ADAR: variants seen among roughly 807,000 people sequenced by gnomAD.
The protein encoded by ADAR is double-stranded RNA-specific adenosine deaminase.
In ADAR, 41 loss-of-function variants were observed where a neutral mutation model predicts 113.2. The ratio of observed to expected loss-of-function variants is 0.36; its 90% CI spans 0.28 to 0.47. The LOEUF is 0.47. Ranked by LOEUF, ADAR falls within the 20% of genes least tolerant of loss-of-function variation. ADAR has a pLI of 1.00. For missense variants in ADAR, 1,242 were observed against 1,540.9 expected, an observed-to-expected ratio of 0.81 and a Z score of 3.25; for synonymous variants, 605 against 572.6, an observed-to-expected ratio of 1.06 and a Z score of -0.81.
rs1697900991 is a variant in ADAR, at chr1:154,601,859, T to A, written c.783A>T (p.Arg261Ser). Residue 261 changes from arginine to serine, a missense_variant, in exon 2 of 15, where the codon AGA becomes AGT. By Grantham distance (110) the Arg-to-Ser change is moderately radical. Transcript: ENST00000368474. This position sits in a 1 kb window ranked among gnomAD's most constrained non-coding sequence, Gnocchi z 4.7. ...GGGATCCTTGGCTATGACTGTCTGG[T>A]CTTACCACTCCGCTGTGCTGGTTCC... is the stretch of plus-strand genomic sequence containing the variant. Reference protein sequence around the residue: ...QAWNQHSGVVRPDSHSQGSPN... With the variant: ...QAWNQHSGVVSPDSHSQGSPN... 2 of 1,614,078 alleles carry A rather than the reference T, an allele frequency of 1.2e-6. No homozygotes were observed. The highest frequency in any genetic ancestry group is 1.7e-6 in the Non-Finnish European group (2 of 1,180,026).
chr1:154,620,674 T>A (rs1183449375), intron 1 of ADAR, among the ~76,000 whole-genome samples: 3 of 152,208 alleles, frequency 2.0e-5, no homozygotes, highest in Non-Finnish European at 4.4e-5. Context: ...CAGGCAAAAC[T>A]AATCTAATCT....
chr1:154,589,174 A>G (rs1324806747), intron 9 of ADAR, among the ~76,000 whole-genome samples, 195 bp downstream of exon 9: 3 of 152,208 alleles, frequency 2.0e-5, no homozygotes, highest in Non-Finnish European at 4.4e-5. Flanking sequence ...GAGCAGTGGG[A>G]GGCAGCTCAG....
intron 1 of ADAR, among the ~76,000 whole-genome samples, chr1:154,619,198 GA>G (rs1698719130): frequency 6.6e-6 from 1 of 152,198 alleles, no homozygotes; most frequent in Admixed American, 6.5e-5. Context: ...ACTTTCCTAA[GA>G]AGGCCAGGTT....
chr1:154,589,300 G>T, intron 9 of ADAR, 69 bp downstream of exon 9: 1 of 1,239,584 alleles, frequency 8.1e-7, no homozygotes, highest in Non-Finnish European at 1.2e-6. Context: ...CCGTGTCAGA[G>T]CCATGTGGGG....
In ADAR at chr1:154,597,897, C is replaced by G. The variant is rs776484151; in HGVS notation, c.1865G>C (p.Cys622Ser). The G allele has an allele frequency of 6.2e-7, 1 of 1,614,164 alleles. No homozygotes were observed. Among genetic ancestry groups the G allele is most frequent in the Non-Finnish European group, 8.5e-7 (1 of 1,180,038 alleles). The change falls in exon 4 of 15, where the codon TGT (cysteine) becomes TCT (serine). Residue 622 changes from cysteine to serine, a missense_variant. By Grantham distance (112) the Cys-to-Ser change is moderately radical. This residue lies in a region of ADAR where 780 missense variants were observed against 1,057.9 expected (regional missense o/e 0.74). Transcript: ENST00000368474. ...GKSPVTTLLECMHKLGNSCEF... is the reference protein window; with the variant it reads ...GKSPVTTLLESMHKLGNSCEF... Reference sequence around the variant, plus strand: ...GCAGGAGTTCCCCAATTTGTGCATACACTCAAGCAGTGTGGTGACGGGGCT... The same window carrying G: ...GCAGGAGTTCCCCAATTTGTGCATAGACTCAAGCAGTGTGGTGACGGGGCT...
In ADAR at chr1:154,585,630, T is replaced by C. The variant is rs1696708994; in HGVS notation, c.3315+123A>G. Reference sequence around the variant, plus strand: ...TGGTGGTGGGCCACTGTGGGCAATGTTCCCTTGTGGGCTACCACTGTGGGC... The same window carrying C: ...TGGTGGTGGGCCACTGTGGGCAATGCTCCCTTGTGGGCTACCACTGTGGGC... On this transcript the variant is annotated intron_variant, in intron 13 of 14. Transcript: ENST00000368474. 1.7e-5 allele frequency: 16 copies of C among 962,440 alleles called. No homozygotes were observed. In the East Asian group the frequency reaches 4.1e-4, roughly 25 times the overall value. The allele number at this position is 962,440 out of a possible 1,614,324, so 59.6% of individuals were successfully genotyped here.
chr1:154,608,492 C>CTTTTTTTTTTTTTTTTT (rs67463447), upstream of ADAR, among the ~76,000 whole-genome samples: 22 of 65,768 alleles, frequency 3.3e-4, no homozygotes, highest in Non-Finnish European at 4.9e-4. Context: ...TCACTCCTGG[C>CTTTTTTTTTTTTTTTTT]TTTTTTTTTT....
Position 154,601,215 on chromosome 1 carries a change from A to G in ADAR, c.1427T>C (p.Ile476Thr). The G allele has an allele frequency of 6.2e-7, 1 of 1,614,196 alleles. No individual in the cohort carries two copies. The highest frequency in any genetic ancestry group is 8.5e-7 in the Non-Finnish European group (1 of 1,180,020). The change falls in exon 2 of 15, where the codon ATC (isoleucine) becomes ACC (threonine). Residue 476 changes from isoleucine to threonine, a missense_variant. Physicochemically the swap from Ile to Thr is moderately conservative, Grantham distance 89 (BLOSUM62 -1). Coordinates refer to ENST00000368474, the MANE Select transcript of ADAR (RefSeq NM_001111.5). This position sits in a 1 kb window ranked among gnomAD's most constrained non-coding sequence, Gnocchi z 4.7. The part of the protein sequence containing the change: ...IRAAPGEFRA[I>T]MEMPSFYSHG... ...ACTGTAGAAGGAGGGCATCTCCATG[A>G]TGGCTCGAAACTCACCTGGTGCTGC...
intron 1 of ADAR, among the ~76,000 whole-genome samples, chr1:154,627,489 C>T (rs1698977069): frequency 6.6e-6 from 1 of 152,206 alleles, no homozygotes; most frequent in African/African-American, 2.4e-5. Context: ...GCGGGGGAGC[C>T]GGCGAGAGGG....
intron 1 of ADAR, among the ~76,000 whole-genome samples, chr1:154,624,434 A>G (rs1698879419): frequency 6.6e-6 from 1 of 152,146 alleles, no homozygotes; most frequent in Non-Finnish European, 1.5e-5. Flanking sequence ...TGGGTGGAGG[A>G]ACTGAGGGGG....
chr1:154,588,705 G>A, intron 9 of ADAR, 32 bp from the exon 10 acceptor site: 1 of 1,613,918 alleles, frequency 6.2e-7, no homozygotes, highest in Non-Finnish European at 8.5e-7. Context: ...AGGAAGGCAG[G>A]TTCAATTCTG....
chr1:154,615,378 A>G (rs1270116382), intron 1 of ADAR, among the ~76,000 whole-genome samples: 1 of 152,166 alleles, frequency 6.6e-6, no homozygotes, highest in Non-Finnish European at 1.5e-5. Flanking sequence ...AAAACAGACT[A>G]GCTGTCATAG....
At chr1:154,624,416 G>A (rs547097878) in intron 1 of ADAR, among the ~76,000 whole-genome samples, 1 of 152,142 alleles carries the variant, frequency 6.6e-6, no homozygotes, top group Admixed American at 6.5e-5. Context: ...GCAGCAACTA[G>A]ACCTCCTTGG....
chr1:154,604,650 T>C (rs868620792), intron 1 of ADAR, among the ~76,000 whole-genome samples: 1 of 152,272 alleles, frequency 6.6e-6, no homozygotes, highest in South Asian at 2.1e-4. Flanking sequence ...ACAGCAAAGG[T>C]CTTTCACCTC....
chr1:154,610,627 A>T (rs557158938), upstream of ADAR, among the ~76,000 whole-genome samples: 1 of 152,008 alleles, frequency 6.6e-6, no homozygotes, highest in East Asian at 1.9e-4. Flanking sequence ...TGGCCAACAT[A>T]GTGAAACCCC....
At chr1:154,618,131 A>G (rs1475139914) in intron 1 of ADAR, among the ~76,000 whole-genome samples, 1 of 150,880 alleles carries the variant, frequency 6.6e-6, no homozygotes, top group Non-Finnish European at 1.5e-5. Context: ...TATAGTAAGT[A>G]TATATTCTTT....
In ADAR at chr1:154,583,522, C is replaced by G. The variant is rs1294148353; in HGVS notation, c.*1284G>C. ...CTACCTCACAGAGTTTGAAGACAAC[C>G]TGCCCTTTCACCCACAACTACTGCT... On this transcript the variant is annotated 3_prime_UTR_variant, in exon 15 of 15. Coordinates refer to ENST00000368474, the MANE Select transcript of ADAR (RefSeq NM_001111.5). 1 of 152,226 alleles carries G rather than the reference C, an allele frequency of 6.6e-6. No individual in the cohort carries two copies. Among genetic ancestry groups the G allele is most frequent in the African/African-American group, 2.4e-5 (1 of 41,436 alleles). 9.4% of individuals were successfully genotyped at this position (152,226 alleles called of 1,614,324 possible).
rs772361955 is a variant in ADAR at position 154,597,026 on chromosome 1, A to C, written c.2080-31T>G. The C allele has an allele frequency of 1.4e-5, 23 of 1,614,090 alleles. No homozygotes were observed. The East Asian group carries it at 4.5e-4, about 31-fold the overall frequency. ...GGAGAATCCATCAAACAGAGGAGCC[A>C]TAAACACTTCAGGAAATGTTGAGGG... On this transcript the variant is annotated intron_variant, in intron 5 of 14. Transcript: ENST00000368474.
rs1696724697 is a variant in ADAR, at chr1:154,585,892, T to C, written c.3203-27A>G. The C allele has an allele frequency of 3.8e-6, 6 of 1,570,494 alleles. No individual in the cohort carries two copies. The South Asian group carries it at 6.7e-5, about 18-fold the overall frequency. On this transcript the variant is annotated intron_variant, in intron 12 of 14. Transcript: ENST00000368474. ...TGAGTACAAAAAAGAGAAACATATA[T>C]ACCTGTGTTTGCACCAAATGCTGTT...
Sources: gnomAD v4.1 joint callset for allele counts (sites outside exome capture counted in the v4.1 genomes callset) on GRCh38, gnomAD v4.1.1 for gene constraint, gnomAD v4.1.1 regional missense constraint, Gnocchi (gnomAD v3.1) non-coding constraint, MANE v1.5 for transcripts, NCBI Gene and HGNC (gene_info 2026-07-23, HGNC 2026-07-21) for gene names.